Variants in ORC5 observed in about 807,000 individuals in gnomAD.
ORC5 encodes the protein origin recognition complex subunit 5, also known as protein phosphatase 1, regulatory subunit 117.
ORC5 carries 39 observed loss-of-function variants against 58.8 expected under a neutral mutation model. The ratio of observed to expected loss-of-function variants is 0.66; its 90% CI spans 0.51 to 0.87. The LOEUF is 0.87. Among genes scored for constraint, ORC5 ranks in the 40% least tolerant of loss-of-function variants. ORC5 has a pLI of 0.00. For missense variants in ORC5, 493 were observed against 506.3 expected (o/e 0.97, Z 0.25); for synonymous variants, 218 against 177.6 (o/e 1.23, Z -1.81).
intron 8 of ORC5, among the ~76,000 whole-genome samples, chr7:104,181,771 G>C (rs892510551): frequency 1.3e-4 from 19 of 144,504 alleles, no homozygotes; most frequent in African/African-American, 3.6e-4. Context: ...CAGCCTGGGC[G>C]ACAGAGCGAG....
rs1334541638 is a variant in ORC5, at chr7:104,140,677, C to A, written c.1150-3784G>T. 2.0e-5 allele frequency among the ~76,000 whole-genome samples: 3 copies of A among 152,190 alleles called. No individual in the cohort carries two copies. In the East Asian group the frequency reaches 5.8e-4, roughly 29 times the overall value. On this transcript the variant is annotated intron_variant, in intron 12 of 13. Transcript: ENST00000297431. ...GACCATGGTGGCCACCCTGCCTGTT[C>A]TGCCCACCAGGCCCCTTCTTGCTTT...
At chr7:104,157,308 T>A (rs1269716310) in intron 12 of ORC5, among the ~76,000 whole-genome samples, 2 of 152,048 alleles carry the variant, frequency 1.3e-5, no homozygotes, top group Non-Finnish European at 2.9e-5. Context: ...TGCATCTATC[T>A]CTACCTACTC....
At chr7:104,140,125 T>C (rs1367728385) in intron 12 of ORC5, among the ~76,000 whole-genome samples, 6 of 152,156 alleles carry the variant, frequency 3.9e-5, no homozygotes, top group African/African-American at 1.4e-4. Flanking sequence ...TTTCTGTTAC[T>C]TTTCATGATT....
At chr7:104,182,159 T>C (rs1799447104) in intron 8 of ORC5, among the ~76,000 whole-genome samples, 2 of 152,218 alleles carry the variant, frequency 1.3e-5, no homozygotes, top group African/African-American at 2.4e-5. Context: ...TGAAGCCTTA[T>C]ACATTGAAGC....
intron 5 of ORC5, among the ~76,000 whole-genome samples, chr7:104,191,074 G>T (rs1799664130): frequency 1.4e-5 from 2 of 143,622 alleles, no homozygotes; most frequent in Non-Finnish European, 3.0e-5. Flanking sequence ...ATGGATACTA[G>T]ATGAGACACT....
chr7:104,144,368 C>T (rs976885723), intron 12 of ORC5, among the ~76,000 whole-genome samples: 1 of 152,136 alleles, frequency 6.6e-6, no homozygotes, highest in Non-Finnish European at 1.5e-5. Context: ...AGAATATCCA[C>T]CTTCCTTTCT....
At chr7:104,179,583 G>C (rs1487921119) in intron 8 of ORC5, among the ~76,000 whole-genome samples, 1 of 147,794 alleles carries the variant, frequency 6.8e-6, no homozygotes, top group Non-Finnish European at 1.5e-5. Flanking sequence ...GTAAAAATTA[G>C]AGGTTTTCAC....
At position 104,207,751 on chromosome 7, in the gene ORC5, C is replaced by T. The variant is rs1001663332; in HGVS notation, c.72+82G>A. 18 of 1,401,670 alleles carry T rather than the reference C, an allele frequency of 1.3e-5. No individual in the cohort carries two copies. In the African/African-American group the frequency reaches 2.0e-4, roughly 15 times the overall value. The allele number at this position is 1,401,670 out of a possible 1,614,324, so 86.8% of individuals were successfully genotyped here. On this transcript the variant is annotated intron_variant, in intron 1 of 13. Coordinates refer to ENST00000297431, the MANE Select transcript of ORC5 (RefSeq NM_002553.4). ...GGCCTTTTGGCCCTCAATCCAAACACGAAAAAACAAATATTGGAACAGGTC... is the reference window on the plus strand; with the variant it reads ...GGCCTTTTGGCCCTCAATCCAAACATGAAAAAACAAATATTGGAACAGGTC...
intron 13 of ORC5, among the ~76,000 whole-genome samples, chr7:104,135,968 C>T (rs1798581035): frequency 6.6e-6 from 1 of 152,196 alleles, no homozygotes. Flanking sequence ...TATCCAGCTG[C>T]AACCGTATGA....
chr7:104,202,196 C>T (rs912954351), intron 2 of ORC5, among the ~76,000 whole-genome samples: 2 of 152,146 alleles, frequency 1.3e-5, no homozygotes, highest in Non-Finnish European at 2.9e-5. Flanking sequence ...ACTTGCTCAC[C>T]AATACAGTCT....
chr7:104,179,561 G>C (rs1799393030), intron 8 of ORC5, among the ~76,000 whole-genome samples: 1 of 150,064 alleles, frequency 6.7e-6, no homozygotes, highest in African/African-American at 2.4e-5. Flanking sequence ...CCTAAGTATT[G>C]ATCTGCTCTT....
chr7:104,180,752 G>A (rs1047114234), intron 8 of ORC5, among the ~76,000 whole-genome samples: 3 of 152,078 alleles, frequency 2.0e-5, no homozygotes, highest in Non-Finnish European at 2.9e-5. Flanking sequence ...TATATTTATA[G>A]GTATGTGTTT....
intron 12 of ORC5, among the ~76,000 whole-genome samples, chr7:104,157,845 AACTACC>A (rs1273102689): frequency 6.6e-6 from 1 of 152,114 alleles, no homozygotes; most frequent in Non-Finnish European, 1.5e-5. Context: ...CTACAATGAC[AACTACC>A]ACTACAATAT....
intron 9 of ORC5, among the ~76,000 whole-genome samples, chr7:104,167,737 T>C (rs1462284152): frequency 6.6e-6 from 1 of 152,192 alleles, no homozygotes; most frequent in Non-Finnish European, 1.5e-5. Flanking sequence ...ATGCTAAATA[T>C]TCTTCCTATC....
chr7:104,188,408 T>C (rs937634030), intron 5 of ORC5, 27 bp from the exon 6 acceptor site: 19 of 1,592,696 alleles, frequency 1.2e-5, no homozygotes, highest in Admixed American at 3.4e-5. Flanking sequence ...AAATAACTTA[T>C]AATGATTAAC....
intron 8 of ORC5, among the ~76,000 whole-genome samples, chr7:104,181,715 C>A (rs544039886): frequency 2.0e-5 from 3 of 151,466 alleles, no homozygotes; most frequent in East Asian, 3.9e-4. Context: ...TGGCGTGAAC[C>A]CGGGAGGAGG....
chr7:104,184,827 T>C (rs1799510415), intron 6 of ORC5, among the ~76,000 whole-genome samples: 1 of 152,074 alleles, frequency 6.6e-6, no homozygotes, highest in Non-Finnish European at 1.5e-5. Context: ...GTCTGACACC[T>C]TTGAAGGTGT....
Position 104,126,830 on chromosome 7 carries a change from T to C in ORC5, c.*18A>G, listed in dbSNP as rs1340739956. 6 of 1,594,584 alleles carry C rather than the reference T, an allele frequency of 3.8e-6. No homozygotes were observed. In the African/African-American group the frequency reaches 4.0e-5, roughly 11 times the overall value. Reference sequence around the variant, plus strand: ...CTTAGTCATTGTCACAGTGTCCATATGGCTTTGAAGCTTGTTTTCACAAGA... The same window carrying C: ...CTTAGTCATTGTCACAGTGTCCATACGGCTTTGAAGCTTGTTTTCACAAGA... On this transcript the variant is annotated 3_prime_UTR_variant, in exon 14 of 14. Transcript: ENST00000297431.
intron 4 of ORC5, among the ~76,000 whole-genome samples, chr7:104,196,885 A>G (rs3808003): frequency 0.26 from 39,403 of 151,986 alleles, 5,437 homozygotes; most frequent in African/African-American, 0.35. Flanking sequence ...TATTCCCTTT[A>G]TGAATACGGT....
Sources: gnomAD v4.1 joint callset for allele counts (sites outside exome capture counted in the v4.1 genomes callset) on GRCh38, gnomAD v4.1.1 for gene constraint, MANE v1.5 for transcripts, NCBI Gene and HGNC (gene_info 2026-07-23, HGNC 2026-07-21) for gene names.